The following MECOM variants were observed in gnomAD, a reference collection of about 807,000 sequenced individuals.
MECOM encodes MDS1 and EVI1 complex locus.
Under a neutral mutation model 116.3 loss-of-function variants are expected in MECOM, and 13 were observed. The ratio of observed to expected loss-of-function variants is 0.11; its 90% confidence interval spans 0.07 to 0.18. The LOEUF (loss-of-function observed/expected upper bound fraction) is 0.18. Among genes scored for constraint, MECOM ranks in the 10% least tolerant of loss-of-function variants. The probability of loss-of-function intolerance (pLI) is 1.00; values close to 1 mark genes in which losing one functional copy is unlikely to be tolerated. For synonymous variants in MECOM, 528 were observed against 535.2 expected, an observed-to-expected ratio of 0.99 and a Z score of 0.19; for missense variants, 1,299 against 1,509.0, an observed-to-expected ratio of 0.86 and a Z score of 2.31.
intron 2 of MECOM, among the ~76,000 whole-genome samples, chr3:169,173,558 C>T (rs928804122): frequency 6.6e-6 from 1 of 152,162 alleles, no homozygotes; most frequent in Admixed American, 6.5e-5. Flanking sequence ...ATCTTAGCCT[C>T]TATGACTCTC....
intron 2 of MECOM, among the ~76,000 whole-genome samples, chr3:169,302,817 T>C (rs939934162): frequency 6.6e-6 from 1 of 151,928 alleles, no homozygotes; most frequent in African/African-American, 2.4e-5. Context: ...TGAGCCGAGA[T>C]TGTACCACTG....
chr3:169,239,871 C>T (rs998922152), intron 2 of MECOM, among the ~76,000 whole-genome samples: 1 of 152,038 alleles, frequency 6.6e-6, no homozygotes, highest in African/African-American at 2.4e-5. Context: ...TAACAAAGCC[C>T]AGACTTAAAA....
At chr3:169,110,407 G>A (rs1422394337) in intron 9 of MECOM, among the ~76,000 whole-genome samples, 1 of 152,014 alleles carries the variant, frequency 6.6e-6, no homozygotes, top group Non-Finnish European at 1.5e-5. Context: ...ATAAATGCCA[G>A]CTCTTCCAGC....
chr3:169,432,770 C>A (rs149869451), intron 1 of MECOM, among the ~76,000 whole-genome samples: 18 of 152,192 alleles, frequency 1.2e-4, no homozygotes, highest in South Asian at 2.1e-4. Context: ...TATGCAGCAC[C>A]TTTTTAAAGA....
chr3:169,097,817 TAAAA>T (rs539873617), intron 12 of MECOM, among the ~76,000 whole-genome samples: 30,856 of 87,988 alleles, frequency 0.35, 4,761 homozygotes, highest in South Asian at 0.48. Flanking sequence ...ACTGTCTATA[TAAAA>T]AAAAAAAAAA....
rs79057412 is a variant in MECOM, at chr3:169,627,987, G to A, written c.37+35349C>T. The stretch of plus-strand genomic sequence containing the variant: ...CCTGTGCAAACATAAAGTCAGAGTC[G>A]GAGAACTTGAGATGCACCGACTATT... On this transcript the variant is annotated intron_variant, in intron 1 of 16. Transcript: ENST00000651503. Among the ~76,000 whole-genome samples, 1,056 of 152,266 alleles carry A rather than the reference G, an allele frequency of 6.9e-3. 14 individuals are homozygous for A. The highest frequency in any genetic ancestry group is 0.024 in the African/African-American group (1,012 of 41,542).
chr3:169,546,554 A>G (rs994029808), intron 1 of MECOM, among the ~76,000 whole-genome samples: 2 of 152,218 alleles, frequency 1.3e-5, no homozygotes, highest in African/African-American at 4.8e-5. Context: ...GAGTTTGCAC[A>G]TGCCCTGCCT....
chr3:169,396,170 C>T (rs1350679448), intron 1 of MECOM, among the ~76,000 whole-genome samples: 5 of 152,096 alleles, frequency 3.3e-5, no homozygotes, highest in Admixed American at 6.6e-5. Context: ...TATGAATTTA[C>T]AATATCACAA....
chr3:169,588,927 T>C (rs1478340670), intron 1 of MECOM, among the ~76,000 whole-genome samples: 4 of 152,124 alleles, frequency 2.6e-5, no homozygotes, highest in Admixed American at 6.6e-5. Flanking sequence ...GAAAAGTAAA[T>C]TTGGAAATCT....
intron 1 of MECOM, among the ~76,000 whole-genome samples, chr3:169,433,863 A>C (rs148313995): frequency 1.3e-5 from 2 of 152,306 alleles, no homozygotes; most frequent in East Asian, 1.9e-4. Context: ...TGAACGCAGG[A>C]GATTCAAAGA....
intron 1 of MECOM, among the ~76,000 whole-genome samples, chr3:169,596,108 G>A (rs1490510389): frequency 6.6e-6 from 1 of 152,154 alleles, no homozygotes; most frequent in African/African-American, 2.4e-5. Context: ...AAATATTATT[G>A]ACAACTTCTC....
At position 169,549,098 on chromosome 3, in the gene MECOM, C is replaced by T. The variant is rs371052839; in HGVS notation, c.37+114238G>A. On this transcript the variant is annotated intron_variant, in intron 1 of 16. Transcript: ENST00000651503. ...AAGTGATTCTCCTGCCTCAGCCTCC[C>T]GAGTAGCTGGGACTACAGGCGCATG... 1.1e-4 allele frequency among the ~76,000 whole-genome samples: 17 copies of T among 151,894 alleles called. No homozygotes were observed. In the South Asian group the frequency reaches 2.7e-3, roughly 24 times the overall value.
chr3:169,146,270 C>A, intron 2 of MECOM: 1 of 1,225,614 alleles, frequency 8.2e-7, no homozygotes, highest in South Asian at 1.8e-5. Flanking sequence ...CGAAGCAGCA[C>A]ACGATGTTGG....
chr3:169,319,319 C>T (rs1054015072), intron 2 of MECOM, among the ~76,000 whole-genome samples: 4 of 151,904 alleles, frequency 2.6e-5, no homozygotes, highest in Non-Finnish European at 5.9e-5. Flanking sequence ...CAAACTAACA[C>T]AGGAACAGAA....
At chr3:169,246,135 A>C (rs1486017688) in intron 2 of MECOM, among the ~76,000 whole-genome samples, 1 of 152,242 alleles carries the variant, frequency 6.6e-6, no homozygotes, top group Non-Finnish European at 1.5e-5. Flanking sequence ...GAAAACAAAA[A>C]TTAGAACTAC....
intron 2 of MECOM, among the ~76,000 whole-genome samples, chr3:169,244,773 A>G (rs1440601407): frequency 1.3e-5 from 2 of 152,186 alleles, no homozygotes; most frequent in African/African-American, 4.8e-5. Context: ...AATTATCTGT[A>G]AGCAAAGAAA....
intron 2 of MECOM, among the ~76,000 whole-genome samples, chr3:169,157,750 T>C (rs1440918673): frequency 6.6e-6 from 1 of 152,200 alleles, no homozygotes; most frequent in Middle Eastern, 3.2e-3. Flanking sequence ...GTGTTTTCTA[T>C]GTAGTTCTTG....
chr3:169,563,936 G>C (rs1762940548), intron 1 of MECOM, among the ~76,000 whole-genome samples: 1 of 152,010 alleles, frequency 6.6e-6, no homozygotes, highest in Admixed American at 6.6e-5. Context: ...CCTCTATTTG[G>C]AATGGCCCAG....
intron 1 of MECOM, among the ~76,000 whole-genome samples, chr3:169,625,245 C>A (rs573312645): frequency 1.3e-5 from 2 of 152,064 alleles, no homozygotes; most frequent in African/African-American, 4.8e-5. Flanking sequence ...TTTCTAGATT[C>A]TCTAGAAATT....
Sources: allele counts gnomAD v4.1 joint callset (sites outside exome capture counted in the v4.1 genomes callset), GRCh38; gene constraint gnomAD v4.1.1; transcripts MANE v1.5; gene names NCBI Gene and HGNC (gene_info 2026-07-23, HGNC 2026-07-21).